Variants in ZFAT observed in about 807,000 individuals in gnomAD.
ZFAT encodes zinc finger and AT-hook domain containing, also known as zinc finger protein ZFAT.
In ZFAT, 64 loss-of-function variants were observed where a neutral mutation model predicts 117.7. The ratio of observed to expected loss-of-function variants is 0.54; its 90% confidence interval spans 0.44 to 0.67. The LOEUF is 0.67. Ranked by LOEUF, ZFAT falls within the 30% of genes least tolerant of loss-of-function variation. The probability of loss-of-function intolerance (pLI) is 0.00; values close to 1 mark genes in which losing one functional copy is unlikely to be tolerated. For synonymous variants in ZFAT, 679 were observed against 615.0 expected (o/e 1.10, Z -1.54); for missense variants, 1,433 against 1,584.5 (o/e 0.90, Z 1.62).
intron 1 of ZFAT, among the ~76,000 whole-genome samples, chr8:134,703,833 T>TA (rs1305014974): frequency 5.9e-5 from 9 of 151,958 alleles, no homozygotes; most frequent in Non-Finnish European, 1.2e-4. Flanking sequence ...TTAAAAGTGA[T>TA]AAAATGTTCA....
At position 134,565,395 on chromosome 8, in the gene ZFAT, C is replaced by G; in HGVS notation, c.2914G>C (p.Asp972His). 6.2e-7 allele frequency: 1 copy of G among 1,613,822 alleles called. No homozygotes were observed. Among genetic ancestry groups the G allele is most frequent in the Non-Finnish European group, 8.5e-7 (1 of 1,179,842 alleles). Reference sequence around the variant, plus strand: ...TGTGGCTTCTGGGCCGCTGTGTAGTCACACACCGTGCACTTAAACTGCTTC... The same window carrying G: ...TGTGGCTTCTGGGCCGCTGTGTAGTGACACACCGTGCACTTAAACTGCTTC... The part of the protein sequence containing the change: ...DGKQFKCTVC[D>H]YTAAQKPQLL... Residue 972 changes from aspartate to histidine, a missense_variant, in exon 11 of 16, where the codon GAC becomes CAC. Coordinates refer to ENST00000377838, the MANE Select transcript of ZFAT (RefSeq NM_020863.4).
chr8:134,481,034 A>G (rs1171941207), intron 15 of ZFAT, among the ~76,000 whole-genome samples: 2 of 152,220 alleles, frequency 1.3e-5, no homozygotes, highest in Non-Finnish European at 2.9e-5. Flanking sequence ...CTGGAGAGCT[A>G]TTCTGAGTGG....
At chr8:134,751,146 G>A in the ZFAT span, among the ~76,000 whole-genome samples, 1 of 152,116 alleles carries the variant, frequency 6.6e-6, no homozygotes, top group Non-Finnish European at 1.5e-5. Context: ...ATGGGTGGAT[G>A]GGACCTGAAA....
chr8:134,762,093 C>G, the ZFAT span, among the ~76,000 whole-genome samples: 424 of 152,012 alleles, frequency 2.8e-3, 1 homozygote, highest in African/African-American at 9.9e-3. Flanking sequence ...TGTGGCCCAT[C>G]TTACAACACT....
chr8:134,650,304 T>A (rs2131169276), intron 2 of ZFAT, among the ~76,000 whole-genome samples: 1 of 151,830 alleles, frequency 6.6e-6, no homozygotes, highest in East Asian at 1.9e-4. Flanking sequence ...ATTTTTGTAT[T>A]TTTAGTAGAG....
At chr8:134,706,135 A>G (rs536613997) in intron 1 of ZFAT, among the ~76,000 whole-genome samples, 1 of 152,338 alleles carries the variant, frequency 6.6e-6, no homozygotes, top group South Asian at 2.1e-4. Context: ...TAACTACTCT[A>G]TAACCCAGAA....
the ZFAT span, among the ~76,000 whole-genome samples, chr8:134,729,355 G>A: frequency 1.7e-4 from 26 of 152,230 alleles, no homozygotes; most frequent in African/African-American, 6.3e-4. Flanking sequence ...TTTTTGAGAC[G>A]GAGTCTCGCT....
intron 1 of ZFAT, among the ~76,000 whole-genome samples, chr8:134,694,055 C>T (rs759822611): frequency 2.6e-5 from 4 of 152,134 alleles, no homozygotes; most frequent in Admixed American, 1.3e-4. Flanking sequence ...AATAACTGGC[C>T]CATACTCCAC....
chr8:134,701,532 G>C (rs1015297468), intron 1 of ZFAT, among the ~76,000 whole-genome samples: 3 of 152,200 alleles, frequency 2.0e-5, no homozygotes, highest in Non-Finnish European at 2.9e-5. Context: ...TCCAAGAAGC[G>C]AAGTTGCTAA....
At chr8:134,645,568 G>A (rs1414816587) in intron 2 of ZFAT, among the ~76,000 whole-genome samples, 2 of 152,190 alleles carry the variant, frequency 1.3e-5, no homozygotes, top group South Asian at 2.1e-4. Context: ...ATTTATAAAA[G>A]TAGGCTCAAT....
At chr8:134,498,648 ACACACAGAGCC>A (rs1563776129) in intron 15 of ZFAT, among the ~76,000 whole-genome samples, 14 of 4,616 alleles carry the variant, frequency 3.0e-3, no homozygotes, top group Non-Finnish European at 4.5e-3. Context: ...GTTGCTGGTT[ACACACAGAGCC>A]TGATTTGGTA....
At chr8:134,730,255 C>G in the ZFAT span, among the ~76,000 whole-genome samples, 1 of 152,268 alleles carries the variant, frequency 6.6e-6, no homozygotes, top group African/African-American at 2.4e-5. Context: ...AAAGGCCCAA[C>G]GTACTCCTCC....
intron 12 of ZFAT, among the ~76,000 whole-genome samples, chr8:134,528,839 T>C (rs1821203211): frequency 6.6e-6 from 1 of 152,176 alleles, no homozygotes; most frequent in African/African-American, 2.4e-5. Flanking sequence ...GGAATAACAA[T>C]AATACCACCA....
At chr8:134,786,804 T>A in the ZFAT span, among the ~76,000 whole-genome samples, 15 of 151,968 alleles carry the variant, frequency 9.9e-5, no homozygotes, top group East Asian at 2.7e-3. Context: ...TTTAATTTTA[T>A]CCGTTTTCAT....
chr8:134,502,068 T>C (rs554575653), intron 15 of ZFAT, among the ~76,000 whole-genome samples: 55 of 152,356 alleles, frequency 3.6e-4, no homozygotes, highest in African/African-American at 1.2e-3. Flanking sequence ...CGCTTGTTTT[T>C]AAAAGTAAAA....
At position 134,478,368 on chromosome 8, in the gene ZFAT, G is replaced by A. The variant is rs143609415; in HGVS notation, c.*114C>T. The A allele has an allele frequency of 7.5e-4, 1,070 of 1,434,918 alleles. 17 individuals carry two copies. The East Asian group carries it at 0.024, about 33-fold the overall frequency. 88.9% of individuals were successfully genotyped at this position (1,434,918 alleles called of 1,614,324 possible). A position where few individuals can be genotyped will look rare whatever the true frequency, so the allele number is the denominator to read the frequency against. On this transcript the variant is annotated 3_prime_UTR_variant, in exon 16 of 16. Transcript: ENST00000377838. This position sits in a 1 kb window ranked among gnomAD's most constrained non-coding sequence, Gnocchi z 5.2. ...GAGTCCTATCAGGCTGCTGGGCAGG[G>A]AGGGCAAAGGAGAGCACCATTCTGC...
At chr8:134,581,258 T>G (rs1400980953) in intron 10 of ZFAT, among the ~76,000 whole-genome samples, 2 of 151,492 alleles carry the variant, frequency 1.3e-5, no homozygotes, top group Non-Finnish European at 2.9e-5. Context: ...ACCAAGCCAG[T>G]CCCAGGCAAA....
intron 1 of ZFAT, among the ~76,000 whole-genome samples, chr8:134,658,593 A>G (rs1483545764): frequency 6.6e-6 from 1 of 152,208 alleles, no homozygotes; most frequent in Non-Finnish European, 1.5e-5. Flanking sequence ...CATTATGTTC[A>G]TCTCATTATA....
At chr8:134,651,589 G>T (rs982568634) in intron 2 of ZFAT, among the ~76,000 whole-genome samples, 2 of 152,112 alleles carry the variant, frequency 1.3e-5, no homozygotes, top group Non-Finnish European at 2.9e-5. Context: ...TAGTGAACTG[G>T]AAAATGGATC....
Sources: allele counts gnomAD v4.1 joint callset (sites outside exome capture counted in the v4.1 genomes callset), GRCh38; gene constraint gnomAD v4.1.1; non-coding constraint Gnocchi (gnomAD v3.1); transcripts MANE v1.5; gene names NCBI Gene and HGNC (gene_info 2026-07-23, HGNC 2026-07-21).